Variants in DYM observed in about 807,000 individuals in gnomAD.
DYM encodes the protein dyggve-Melchior-Clausen syndrome protein.
DYM carries 78 observed loss-of-function variants against 93.1 expected under a neutral mutation model. The ratio of observed to expected loss-of-function variants is 0.84; its 90% CI spans 0.70 to 1.01. The LOEUF (loss-of-function observed/expected upper bound fraction) is 1.01, where lower values mean the gene tolerates loss of function less well. Among genes scored for constraint, DYM ranks in the 50% least tolerant of loss-of-function variants. The probability of loss-of-function intolerance (pLI) is 0.00; values close to 1 mark genes in which losing one functional copy is unlikely to be tolerated. For missense variants in DYM, 789 were observed against 845.0 expected, an observed-to-expected ratio of 0.93 and a Z score of 0.82; for synonymous variants, 321 against 319.7, an observed-to-expected ratio of 1.00 and a Z score of -0.04.
intron 13 of DYM, among the ~76,000 whole-genome samples, chr18:49,219,629 C>A (rs2093255041): frequency 6.6e-6 from 1 of 151,964 alleles, no homozygotes. Context: ...TGTAATCCAG[C>A]ATATAAACAG....
At chr18:49,411,127 G>T (rs1003161791) in intron 2 of DYM, among the ~76,000 whole-genome samples, 2 of 151,854 alleles carry the variant, frequency 1.3e-5, no homozygotes, top group African/African-American at 4.8e-5. Context: ...CCAATGTCAC[G>T]GTATAAGAAT....
At chr18:49,211,485 T>C (rs1285747982) in intron 13 of DYM, among the ~76,000 whole-genome samples, 1 of 152,170 alleles carries the variant, frequency 6.6e-6, no homozygotes, top group Non-Finnish European at 1.5e-5. Flanking sequence ...CAAAACTATA[T>C]CAAAGTATTA....
chr18:49,249,745 G>C (rs141999155), intron 13 of DYM, among the ~76,000 whole-genome samples: 1 of 151,876 alleles, frequency 6.6e-6, no homozygotes, highest in Non-Finnish European at 1.5e-5. Context: ...TAAAATGCCA[G>C]CTTGAGACTA....
At chr18:49,391,477 T>A (rs889244907) in intron 3 of DYM, 116 bp downstream of exon 3, 2 of 1,088,926 alleles carry the variant, frequency 1.8e-6, no homozygotes, top group African/African-American at 1.6e-5. Flanking sequence ...ATAGAAAAAA[T>A]TATTACTATT....
intron 8 of DYM, among the ~76,000 whole-genome samples, chr18:49,301,114 T>C (rs187132075): frequency 2.0e-5 from 3 of 152,244 alleles, no homozygotes; most frequent in East Asian, 1.9e-4. Context: ...AAAAAGAAGA[T>C]TTCAAATTAA....
In DYM at chr18:49,391,617, T is replaced by C. The variant is rs1193463309; in HGVS notation, c.169A>G (p.Thr57Ala). The change falls in exon 3 of 18, where the codon ACC becomes GCC. Residue 57 changes from threonine (T) to alanine (A), a missense_variant. Around this residue, in one of 3 missense-constraint regions of DYM, gnomAD observed 450 missense variants for 436.2 expected, o/e 1.03. Transcript: ENST00000675505. ...CCTAATGACCTGCAGACTGAAATGG[T>C]TGCTTCCTCCAAGAGTTTCAACTCA... ...SSELKLLEEA[T>A]ISVCRSLVEN... 2 of 1,613,608 alleles carry C rather than the reference T, an allele frequency of 1.2e-6. No homozygotes were observed. Among genetic ancestry groups the C allele is most frequent in the Admixed American group, 1.7e-5 (1 of 60,008 alleles).
At chr18:49,199,039 T>C (rs963931698) in intron 14 of DYM, among the ~76,000 whole-genome samples, 6 of 152,248 alleles carry the variant, frequency 3.9e-5, no homozygotes, top group African/African-American at 7.2e-5. Flanking sequence ...CATGGAATAC[T>C]ATGTGGCCAT....
At chr18:49,121,760 C>T (rs1449265138) in intron 15 of DYM, among the ~76,000 whole-genome samples, 1 of 152,164 alleles carries the variant, frequency 6.6e-6, no homozygotes, top group Non-Finnish European at 1.5e-5. Flanking sequence ...TGCAGTCCAA[C>T]CTAAATGTAG....
At chr18:49,282,485 G>A (rs1489008160) in intron 9 of DYM, among the ~76,000 whole-genome samples, 1 of 151,894 alleles carries the variant, frequency 6.6e-6, no homozygotes, top group Non-Finnish European at 1.5e-5. Context: ...TGGTGGCGTG[G>A]GCCTGTAATC....
chr18:49,174,243 A>G (rs2089122136), intron 14 of DYM, among the ~76,000 whole-genome samples: 1 of 152,140 alleles, frequency 6.6e-6, no homozygotes, highest in African/African-American at 2.4e-5. Flanking sequence ...TGTAGATAAG[A>G]ATGATGGCAG....
At chr18:49,124,365 G>C (rs986448704) in intron 15 of DYM, among the ~76,000 whole-genome samples, 2 of 151,890 alleles carry the variant, frequency 1.3e-5, no homozygotes, top group Non-Finnish European at 2.9e-5. Context: ...TTAGCTAGGA[G>C]TGATGTGGTG....
chr18:49,124,558 G>C (rs1163382482), intron 15 of DYM, among the ~76,000 whole-genome samples: 2 of 151,004 alleles, frequency 1.3e-5, no homozygotes, highest in African/African-American at 4.9e-5. Flanking sequence ...TTCTACATTA[G>C]TTTTTACTTT....
intron 13 of DYM, among the ~76,000 whole-genome samples, chr18:49,245,315 G>T (rs1314065711): frequency 6.6e-6 from 1 of 152,158 alleles, no homozygotes; most frequent in African/African-American, 2.4e-5. Context: ...AGGGAACAAG[G>T]AAAGATAACC....
intron 8 of DYM, among the ~76,000 whole-genome samples, chr18:49,296,620 G>A (rs78178361): frequency 9.2e-5 from 14 of 152,092 alleles, no homozygotes; most frequent in African/African-American, 3.4e-4. Flanking sequence ...ATAGTTCAGA[G>A]ATCTATCAAT....
At chr18:49,094,127 C>T (rs575494053) in intron 17 of DYM, among the ~76,000 whole-genome samples, 3 of 152,238 alleles carry the variant, frequency 2.0e-5, no homozygotes, top group African/African-American at 7.2e-5. Flanking sequence ...TTTTCAAACA[C>T]TAAATACAGT....
intron 16 of DYM, among the ~76,000 whole-genome samples, chr18:49,109,949 A>C (rs1412807672): frequency 6.6e-6 from 1 of 152,190 alleles, no homozygotes; most frequent in Admixed American, 6.5e-5. Context: ...GCTGACACAC[A>C]TCTTACTTTT....
chr18:49,424,377 C>T (rs992809282), intron 2 of DYM, among the ~76,000 whole-genome samples: 5 of 151,924 alleles, frequency 3.3e-5, no homozygotes, highest in African/African-American at 7.2e-5. Flanking sequence ...TCAATAAATT[C>T]GGTGTTGATG....
At chr18:49,303,382 A>G (rs928261560) in intron 8 of DYM, among the ~76,000 whole-genome samples, 3 of 152,188 alleles carry the variant, frequency 2.0e-5, no homozygotes, top group Non-Finnish European at 2.9e-5. Context: ...ATGTCATTCT[A>G]ATACTGTATA....
At chr18:49,203,820 C>T (rs1287907155) in intron 14 of DYM, among the ~76,000 whole-genome samples, 1 of 133,848 alleles carries the variant, frequency 7.5e-6, no homozygotes, top group Non-Finnish European at 1.6e-5. Flanking sequence ...CCAAATCCCC[C>T]TCTGTGAGAA....
Sources: gnomAD v4.1 joint callset for allele counts (sites outside exome capture counted in the v4.1 genomes callset) on GRCh38, gnomAD v4.1.1 for gene constraint, gnomAD v4.1.1 regional missense constraint, MANE v1.5 for transcripts, NCBI Gene and HGNC (gene_info 2026-07-23, HGNC 2026-07-21) for gene names.